Variants in BBOX1 observed in about 807,000 individuals in gnomAD.
BBOX1 encodes the protein gamma-butyrobetaine hydroxylase 1.
In BBOX1, 35 loss-of-function variants were observed where a neutral mutation model predicts 41.6. That is an observed-to-expected ratio of 0.84 (90% CI 0.64 to 1.11). The LOEUF (loss-of-function observed/expected upper bound fraction) is 1.11. Ranked by LOEUF, BBOX1 falls within the 50% of genes most tolerant of loss-of-function variation. BBOX1 has a pLI of 0.00. For synonymous variants in BBOX1, 163 were observed against 154.7 expected, an observed-to-expected ratio of 1.05 and a Z score of -0.40; for missense variants, 458 against 460.6, an observed-to-expected ratio of 0.99 and a Z score of 0.05.
chr11:27,046,445 C>CACAG lies in BBOX1; in HGVS notation c.-39+4970_-39+4971insGACA, dbSNP rs769242889. Among the ~76,000 whole-genome samples the CACAG allele has an allele frequency of 2.3e-3, 342 of 151,564 alleles. 4 individuals carry two copies. The highest frequency in any genetic ancestry group is 0.017 in the South Asian group (81 of 4,786). ...AGGAGGGAAACACACCACAGACACACACACACACACACACACTACACACAT... is the reference window on the plus strand; with the variant it reads ...AGGAGGGAAACACACCACAGACACACACAGACACACACACACACACTACACACAT... On this transcript the variant is annotated intron_variant, in intron 2 of 8. Coordinates refer to ENST00000263182, the MANE Select transcript of BBOX1 (RefSeq NM_003986.3).
At chr11:27,061,442 TAA>T (rs1225845157) in intron 4 of BBOX1, among the ~76,000 whole-genome samples, 2 of 152,174 alleles carry the variant, frequency 1.3e-5, no homozygotes, top group African/African-American at 4.8e-5. Flanking sequence ...AGTTGGTGGG[TAA>T]AAAAAAGAAA....
intron 2 of BBOX1, among the ~76,000 whole-genome samples, chr11:27,048,656 G>A (rs955215950): frequency 6.6e-6 from 1 of 151,628 alleles, no homozygotes; most frequent in Non-Finnish European, 1.5e-5. Flanking sequence ...GAATAATGCT[G>A]CTATGAACAT....
chr11:27,084,101 C>G (rs1277262435), intron 4 of BBOX1, among the ~76,000 whole-genome samples: 1 of 152,116 alleles, frequency 6.6e-6, no homozygotes, highest in Non-Finnish European at 1.5e-5. Context: ...GGAGTGGATG[C>G]CCAGAGGAGC....
chr11:27,077,868 A>T (rs1857689170), intron 4 of BBOX1, among the ~76,000 whole-genome samples: 1 of 152,016 alleles, frequency 6.6e-6, no homozygotes, highest in East Asian at 1.9e-4. Context: ...CCATGTCTGT[A>T]TTACTGACAT....
intron 5 of BBOX1, among the ~76,000 whole-genome samples, chr11:27,095,905 A>G (rs1224244130): frequency 6.6e-6 from 1 of 152,036 alleles, no homozygotes; most frequent in Non-Finnish European, 1.5e-5. Flanking sequence ...GAATACTTAG[A>G]ACAGTGGTTT....
intron 6 of BBOX1, among the ~76,000 whole-genome samples, chr11:27,116,510 G>A (rs1410039034): frequency 1.3e-5 from 2 of 151,720 alleles, no homozygotes; most frequent in Non-Finnish European, 2.9e-5. Flanking sequence ...TAACTTGATG[G>A]CTTAAGAAAA....
intron 4 of BBOX1, among the ~76,000 whole-genome samples, chr11:27,068,644 G>A (rs1024066826): frequency 2.0e-5 from 3 of 151,768 alleles, no homozygotes; most frequent in Admixed American, 6.6e-5. Flanking sequence ...TAAATTCTTT[G>A]CATAGGCCAA....
chr11:27,071,435 G>A (rs748942014), intron 4 of BBOX1, among the ~76,000 whole-genome samples: 7 of 151,590 alleles, frequency 4.6e-5, no homozygotes, highest in Non-Finnish European at 1.0e-4. Context: ...GGGCTTGTAA[G>A]GTGATATTGT....
intron 4 of BBOX1, among the ~76,000 whole-genome samples, chr11:27,081,279 G>A (rs1857825294): frequency 6.6e-6 from 1 of 151,840 alleles, no homozygotes; most frequent in Non-Finnish European, 1.5e-5. Context: ...AAGTTAGTAT[G>A]AGTCATCAGA....
intron 5 of BBOX1, among the ~76,000 whole-genome samples, chr11:27,109,694 G>C (rs1395567654): frequency 1.3e-5 from 2 of 152,064 alleles, no homozygotes; most frequent in Non-Finnish European, 2.9e-5. Flanking sequence ...TAGATCAGCA[G>C]CGCTGAATTC....
chr11:27,087,791 A>G (rs1048300192), intron 4 of BBOX1, among the ~76,000 whole-genome samples: 1 of 152,072 alleles, frequency 6.6e-6, no homozygotes, highest in African/African-American at 2.4e-5. Context: ...TATGGCCCTT[A>G]GTCTCTGATT....
rs562195903 is a variant in BBOX1, at chr11:27,115,422, G to A, written c.534-30G>A. 66 of 1,574,728 alleles carry A rather than the reference G, an allele frequency of 4.2e-5. No homozygotes were observed. In the South Asian group the frequency reaches 7.1e-4, roughly 17 times the overall value. Reference sequence around the variant, plus strand: ...ATTTCCTCTGGCTTAGTGACAACCTGTTTAAACATGTGTTTCTTGCATTTT... The same window carrying A: ...ATTTCCTCTGGCTTAGTGACAACCTATTTAAACATGTGTTTCTTGCATTTT... On this transcript the variant is annotated intron_variant, in intron 5 of 8. Coordinates refer to ENST00000263182, the MANE Select transcript of BBOX1 (RefSeq NM_003986.3).
intron 4 of BBOX1, among the ~76,000 whole-genome samples, chr11:27,058,862 G>T (rs549186986): frequency 6.6e-6 from 1 of 152,196 alleles, no homozygotes; most frequent in South Asian, 2.1e-4. Flanking sequence ...GGAAAGCAGA[G>T]TGTAAAAGTT....
chr11:27,054,825 T>C (rs570723325), intron 2 of BBOX1, among the ~76,000 whole-genome samples: 2 of 152,204 alleles, frequency 1.3e-5, no homozygotes, highest in Non-Finnish European at 2.9e-5. Context: ...AAGCAAATGA[T>C]AGAACAGAAA....
In BBOX1 at chr11:27,059,983, G is replaced by T. The variant is rs547317579; in HGVS notation, c.334+2668G>T. ...CAGACTTTTGAGTTAATGCTAGAAT[G>T]AGTTAAGACTTTCAGGGACTACTGG... On this transcript the variant is annotated intron_variant, in intron 4 of 8. Coordinates refer to ENST00000263182, the MANE Select transcript of BBOX1 (RefSeq NM_003986.3). Among the ~76,000 whole-genome samples, 3 of 152,292 alleles carry T rather than the reference G, an allele frequency of 2.0e-5. No homozygotes were observed. In the South Asian group the frequency reaches 6.2e-4, roughly 32 times the overall value.
At chr11:27,048,466 G>GGTGT (rs61210047) in intron 2 of BBOX1, among the ~76,000 whole-genome samples, 176 of 149,636 alleles carry the variant, frequency 1.2e-3, no homozygotes, top group African/African-American at 2.8e-3. Context: ...ATAATATTGA[G>GGTGT]GTGTGTGTGT....
intron 4 of BBOX1, among the ~76,000 whole-genome samples, chr11:27,066,012 T>C (rs1257850736): frequency 6.6e-6 from 1 of 152,202 alleles, no homozygotes; most frequent in Non-Finnish European, 1.5e-5. Flanking sequence ...TCCCTTTTTA[T>C]ACCTTTTTAG....
chr11:27,083,025 C>A (rs901033930), intron 4 of BBOX1, among the ~76,000 whole-genome samples: 1 of 152,116 alleles, frequency 6.6e-6, no homozygotes, highest in Non-Finnish European at 1.5e-5. Flanking sequence ...TCTCTCCTTT[C>A]AAGCAGGTTA....
intron 4 of BBOX1, among the ~76,000 whole-genome samples, chr11:27,088,569 G>A (rs1200163043): frequency 6.6e-6 from 1 of 151,874 alleles, no homozygotes; most frequent in Non-Finnish European, 1.5e-5. Flanking sequence ...CAGACAAAAT[G>A]TTCCTAATTG....
Sources: allele counts gnomAD v4.1 joint callset (sites outside exome capture counted in the v4.1 genomes callset), GRCh38; gene constraint gnomAD v4.1.1; transcripts MANE v1.5; gene names NCBI Gene and HGNC (gene_info 2026-07-23, HGNC 2026-07-21).